Variants in DLG2 observed in about 807,000 individuals in gnomAD.
DLG2 encodes discs large MAGUK scaffold protein 2, also known as disks large homolog 2.
A neutral mutation model predicts 132.5 loss-of-function variants in DLG2; 45 were observed. That is an observed-to-expected ratio of 0.34 (90% CI 0.27 to 0.44). DLG2 has a LOEUF of 0.44. Ranked by LOEUF, DLG2 falls within the 20% of genes least tolerant of loss-of-function variation. DLG2 has a pLI of 1.00. For synonymous variants in DLG2, 424 were observed against 419.6 expected (o/e 1.01, Z -0.13); for missense variants, 1,045 against 1,196.9 (o/e 0.87, Z 1.87).
At chr11:83,571,607 A>G (rs1340396073) in intron 19 of DLG2, among the ~76,000 whole-genome samples, 3 of 152,094 alleles carry the variant, frequency 2.0e-5, no homozygotes, top group Admixed American at 2.0e-4. Flanking sequence ...AAAAAAAAAA[A>G]AAAGTACTGT....
At chr11:84,928,365 C>T (rs2047650853) in intron 6 of DLG2, among the ~76,000 whole-genome samples, 1 of 152,086 alleles carries the variant, frequency 6.6e-6, no homozygotes, top group Non-Finnish European at 1.5e-5. Context: ...CTCTCTGCCA[C>T]AGAGTATTCC....
At chr11:84,756,222 A>G (rs568421208) in intron 6 of DLG2, among the ~76,000 whole-genome samples, 43 of 152,366 alleles carry the variant, frequency 2.8e-4, no homozygotes, top group Non-Finnish European at 5.1e-4. Flanking sequence ...GACTCTGTGG[A>G]AGGCTTTGTT....
At chr11:85,397,248 A>G (rs2087485366) in intron 3 of DLG2, among the ~76,000 whole-genome samples, 1 of 152,234 alleles carries the variant, frequency 6.6e-6, no homozygotes, top group South Asian at 2.1e-4. Flanking sequence ...TGTCACCACC[A>G]GGCATGCCTT....
In DLG2 at chr11:83,593,673, GA is replaced by G. The variant is rs1050966803; in HGVS notation, c.1940+39537del. On this transcript the variant is annotated intron_variant, in intron 19 of 27. Coordinates refer to ENST00000376104, the MANE Select transcript of DLG2 (RefSeq NM_001142699.3). ...AAAAAGAAATATATTAAAAAAAAAA[GA>G]AAAAAAAAGAATTTATATAGAGAGA... Among the ~76,000 whole-genome samples, 113 of 142,302 alleles carry G rather than the reference GA, an allele frequency of 7.9e-4. 1 individual carries two copies. The highest frequency in any genetic ancestry group is 3.2e-3 in the Admixed American group (47 of 14,464). 93.4% of individuals were successfully genotyped at this position (142,302 alleles called of 152,430 possible).
intron 4 of DLG2, among the ~76,000 whole-genome samples, chr11:85,191,142 ATGCG>A (rs1212288158): frequency 2.1e-5 from 3 of 141,732 alleles, no homozygotes; most frequent in African/African-American, 8.0e-5. Flanking sequence ...GTCTATATGC[ATGCG>A]CGCGCGCGCA....
At chr11:85,381,343 C>A (rs2085870997) in intron 3 of DLG2, among the ~76,000 whole-genome samples, 1 of 152,102 alleles carries the variant, frequency 6.6e-6, no homozygotes, top group African/African-American at 2.4e-5. Context: ...ACAGATCCAG[C>A]CTCTTCAACA....
intron 6 of DLG2, among the ~76,000 whole-genome samples, chr11:84,704,027 T>A (rs2059524425): frequency 6.6e-6 from 1 of 150,844 alleles, no homozygotes; most frequent in African/African-American, 2.4e-5. Flanking sequence ...CTTCTTAGCA[T>A]ATATCATATT....
intron 16 of DLG2, among the ~76,000 whole-genome samples, chr11:83,865,317 C>A (rs1240599120): frequency 6.6e-6 from 1 of 152,064 alleles, no homozygotes; most frequent in Non-Finnish European, 1.5e-5. Context: ...TCTGTCATAT[C>A]TGTAGACAGG....
chr11:83,910,989 C>A (rs1051468563), intron 15 of DLG2, among the ~76,000 whole-genome samples: 1 of 151,982 alleles, frequency 6.6e-6, no homozygotes, highest in African/African-American at 2.4e-5. Context: ...GCCGATTACA[C>A]AAAGTAATCT....
intron 6 of DLG2, chr11:84,546,442 T>C: frequency 4.5e-6 from 1 of 220,660 alleles, no homozygotes; most frequent in Admixed American, 4.7e-5. Flanking sequence ...ATTAAACCTC[T>C]TTTCCTCTTT....
At chr11:84,524,494 G>A (rs1245362346) in intron 7 of DLG2, among the ~76,000 whole-genome samples, 2 of 152,190 alleles carry the variant, frequency 1.3e-5, no homozygotes, top group Non-Finnish European at 2.9e-5. Flanking sequence ...CCTCTCACCA[G>A]GGACTAGTCC....
intron 7 of DLG2, among the ~76,000 whole-genome samples, chr11:84,513,560 A>T (rs1183960684): frequency 6.6e-6 from 1 of 152,122 alleles, no homozygotes; most frequent in Admixed American, 6.6e-5. Context: ...CATTTTTGAC[A>T]AAGGTGCCAA....
intron 15 of DLG2, among the ~76,000 whole-genome samples, chr11:83,909,715 A>T (rs1181657211): frequency 6.6e-6 from 1 of 152,198 alleles, no homozygotes; most frequent in Non-Finnish European, 1.5e-5. Flanking sequence ...TGCTGGACCC[A>T]AGGGTCATTA....
At chr11:85,498,925 G>A (rs1406677943) in intron 3 of DLG2, among the ~76,000 whole-genome samples, 1 of 152,064 alleles carries the variant, frequency 6.6e-6, no homozygotes, top group Non-Finnish European at 1.5e-5. Flanking sequence ...AGAATCTCTG[G>A]GACACATTTA....
intron 11 of DLG2, among the ~76,000 whole-genome samples, chr11:84,018,635 A>T (rs999040746): frequency 6.6e-6 from 1 of 152,012 alleles, no homozygotes; most frequent in East Asian, 1.9e-4. Context: ...TGAGTCTGAT[A>T]ATACCTCTAG....
chr11:85,505,490 G>A (rs2093908600), intron 3 of DLG2, among the ~76,000 whole-genome samples: 4 of 152,030 alleles, frequency 2.6e-5, no homozygotes, highest in African/African-American at 9.7e-5. Context: ...TGTGGTTTTT[G>A]TCTTTGTTCT....
At chr11:85,495,655 A>G (rs1314785073) in intron 3 of DLG2, among the ~76,000 whole-genome samples, 1 of 152,204 alleles carries the variant, frequency 6.6e-6, no homozygotes, top group Non-Finnish European at 1.5e-5. Context: ...GGATGTGAAG[A>G]AATAGGAATG....
chr11:84,071,518 C>T lies in DLG2; in HGVS notation c.750-12034G>A, dbSNP rs2096756765. The stretch of plus-strand genomic sequence containing the variant: ...ACTCCTGGGCTCAATTATCCTCCTG[C>T]CTCAGCCTCCTGAGTATATCCTTTT... On this transcript the variant is annotated intron_variant, in intron 10 of 27. Transcript: ENST00000376104. Among the ~76,000 whole-genome samples the T allele has an allele frequency of 2.0e-5, 3 of 152,260 alleles. No individual in the cohort carries two copies. The East Asian group carries it at 5.8e-4, about 29-fold the overall frequency.
chr11:83,938,974 C>T (rs1320027387), intron 14 of DLG2, among the ~76,000 whole-genome samples: 1 of 152,166 alleles, frequency 6.6e-6, no homozygotes, highest in East Asian at 1.9e-4. Context: ...ATACTTTCTA[C>T]CTGATAGCTT....
Sources: allele counts gnomAD v4.1 joint callset (sites outside exome capture counted in the v4.1 genomes callset), GRCh38; gene constraint gnomAD v4.1.1; transcripts MANE v1.5; gene names NCBI Gene and HGNC (gene_info 2026-07-23, HGNC 2026-07-21).